Variants in HECW2 observed in about 807,000 individuals in gnomAD.
The protein encoded by HECW2 is E3 ubiquitin-protein ligase HECW2.
In HECW2, 61 loss-of-function variants were observed where a neutral mutation model predicts 175.2. The observed-to-expected ratio is 0.35, with a 90% CI of 0.28 to 0.43. The LOEUF (loss-of-function observed/expected upper bound fraction) is 0.43. Among genes scored for constraint, HECW2 ranks in the 20% least tolerant of loss-of-function variants. HECW2 has a pLI of 1.00. For missense variants in HECW2, 1,524 were observed against 2,000.5 expected (o/e 0.76, Z 4.54); for synonymous variants, 671 against 731.0 (o/e 0.92, Z 1.32).
At chr2:196,340,219 G>A (rs970289904) in intron 3 of HECW2, among the ~76,000 whole-genome samples, 2 of 152,102 alleles carry the variant, frequency 1.3e-5, no homozygotes, top group African/African-American at 4.8e-5. Flanking sequence ...TTAAAAAAAA[G>A]TTCCATGCAA....
intron 5 of HECW2, among the ~76,000 whole-genome samples, chr2:196,328,579 T>C (rs1692240781): frequency 1.3e-5 from 2 of 152,186 alleles, no homozygotes; most frequent in African/African-American, 2.4e-5. Context: ...GGATCAGGTC[T>C]TTTAACGCTC....
chr2:196,272,849 T>C (rs1689789791), intron 16 of HECW2, among the ~76,000 whole-genome samples: 1 of 151,840 alleles, frequency 6.6e-6, no homozygotes, highest in South Asian at 2.1e-4. Context: ...TTATAGTGCT[T>C]TAAAATTCCA....
At chr2:196,464,767 C>A (rs764353190) in intron 1 of HECW2, among the ~76,000 whole-genome samples, 3 of 152,212 alleles carry the variant, frequency 2.0e-5, no homozygotes, top group Non-Finnish European at 4.4e-5. Context: ...AGTGGCCAGG[C>A]ACGGTGGCTC....
At chr2:196,292,817 A>C in intron 13 of HECW2, 67 bp from the exon 14 acceptor site, 1 of 1,231,668 alleles carries the variant, frequency 8.1e-7, no homozygotes, top group Non-Finnish European at 1.2e-6. Flanking sequence ...GAAATACTAC[A>C]CATGGGTATG....
chr2:196,305,345 G>C (rs142180372), intron 13 of HECW2, among the ~76,000 whole-genome samples: 132 of 152,252 alleles, frequency 8.7e-4, no homozygotes, highest in African/African-American at 2.9e-3. Context: ...TCTGCTCCAA[G>C]CTAAACCTGT....
At chr2:196,426,124 G>A (rs569520530) in intron 2 of HECW2, among the ~76,000 whole-genome samples, 1 of 152,248 alleles carries the variant, frequency 6.6e-6, no homozygotes, top group East Asian at 1.9e-4. Context: ...TTATGATAAA[G>A]TCTTTTTAAG....
chr2:196,518,104 C>T (rs1017554483), intron 1 of HECW2, among the ~76,000 whole-genome samples: 7 of 152,074 alleles, frequency 4.6e-5, no homozygotes, highest in Non-Finnish European at 1.0e-4. Flanking sequence ...GACAGAAATC[C>T]CCTACACTAA....
intron 2 of HECW2, among the ~76,000 whole-genome samples, chr2:196,419,587 G>T (rs186838524): frequency 6.6e-6 from 1 of 152,264 alleles, no homozygotes; most frequent in African/African-American, 2.4e-5. Context: ...TCTGAATACA[G>T]TGCATTACAA....
intron 1 of HECW2, among the ~76,000 whole-genome samples, chr2:196,483,849 C>A (rs896601404): frequency 2.6e-5 from 4 of 152,130 alleles, no homozygotes; most frequent in Non-Finnish European, 4.4e-5. Flanking sequence ...CAGCCACTTG[C>A]AAAGTGTGGA....
chr2:196,444,445 A>G (rs1349754744), intron 1 of HECW2, among the ~76,000 whole-genome samples: 1 of 152,220 alleles, frequency 6.6e-6, no homozygotes, highest in African/African-American at 2.4e-5. Flanking sequence ...CATGCAGTCT[A>G]TACTCCATAG....
intron 13 of HECW2, among the ~76,000 whole-genome samples, chr2:196,301,571 T>G (rs1430810908): frequency 6.6e-6 from 1 of 152,202 alleles, no homozygotes; most frequent in Non-Finnish European, 1.5e-5. Context: ...ATGGCCATTC[T>G]GACTGGCATG....
intron 18 of HECW2, 183 bp downstream of exon 18, chr2:196,257,640 C>T: frequency 1.7e-6 from 1 of 583,816 alleles, no homozygotes; most frequent in Non-Finnish European, 3.0e-6. Context: ...CTCAGTGTAA[C>T]AAATGGCAAC....
At chr2:196,295,579 AT>A in intron 13 of HECW2, among the ~76,000 whole-genome samples, 1 of 152,290 alleles carries the variant, frequency 6.6e-6, no homozygotes, top group Non-Finnish European at 1.5e-5. Context: ...TACATTACCC[AT>A]TGTTCTAAAT....
chr2:196,400,278 A>G (rs868513820), intron 2 of HECW2, among the ~76,000 whole-genome samples: 1 of 152,224 alleles, frequency 6.6e-6, no homozygotes, highest in Middle Eastern at 3.2e-3. Context: ...TTGCAAAGAA[A>G]TTGCATCACT....
chr2:196,481,368 T>C (rs1686838653), intron 1 of HECW2, among the ~76,000 whole-genome samples: 1 of 152,252 alleles, frequency 6.6e-6, no homozygotes, highest in African/African-American at 2.4e-5. Flanking sequence ...TGTATTGTTC[T>C]AGGCGAAAGT....
At chr2:196,311,778 C>A (rs1187424799) in intron 10 of HECW2, among the ~76,000 whole-genome samples, 1 of 152,146 alleles carries the variant, frequency 6.6e-6, no homozygotes, top group East Asian at 1.9e-4. Context: ...GCCTGGGTAA[C>A]AGAGTTGGAT....
intron 19 of HECW2, among the ~76,000 whole-genome samples, chr2:196,247,026 G>A (rs939636128): frequency 1.3e-5 from 2 of 152,092 alleles, no homozygotes; most frequent in Non-Finnish European, 2.9e-5. Flanking sequence ...ACTTTGGGAG[G>A]CTGAGGTCGG....
chr2:196,287,356 T>C (rs1208202213), intron 14 of HECW2, among the ~76,000 whole-genome samples: 1 of 152,210 alleles, frequency 6.6e-6, no homozygotes, highest in Non-Finnish European at 1.5e-5. Flanking sequence ...CCATTGTATA[T>C]TTTTATTTTT....
At chr2:196,403,621 A>T (rs4850708) in intron 2 of HECW2, among the ~76,000 whole-genome samples, 143,786 of 152,322 alleles carry the variant, frequency 0.94, 67,990 homozygotes, top group East Asian at 1. Context: ...TTTACAGCTA[A>T]CCTAGTCTGT....
Sources: allele counts gnomAD v4.1 joint callset (sites outside exome capture counted in the v4.1 genomes callset), GRCh38; gene constraint gnomAD v4.1.1; transcripts MANE v1.5; gene names NCBI Gene and HGNC (gene_info 2026-07-23, HGNC 2026-07-21).